The following PARD3 variants were observed in gnomAD, a reference collection of about 807,000 sequenced individuals.
PARD3 encodes par-3 family cell polarity regulator, also known as partitioning defective 3 homolog.
A neutral mutation model predicts 155.4 loss-of-function variants in PARD3; 75 were observed. That is an observed-to-expected ratio of 0.48 (90% CI 0.40 to 0.58). The LOEUF (loss-of-function observed/expected upper bound fraction) is 0.58, where lower values mean the gene tolerates loss of function less well. PARD3 is among the 20% of genes least tolerant of loss of function. The pLI is 0.00. For synonymous variants in PARD3, 576 were observed against 610.5 expected, an observed-to-expected ratio of 0.94 and a Z score of 0.83; for missense variants, 1,642 against 1,721.7, an observed-to-expected ratio of 0.95 and a Z score of 0.82.
chr10:34,218,293 C>T (rs1482655761), intron 22 of PARD3, among the ~76,000 whole-genome samples: 1 of 152,196 alleles, frequency 6.6e-6, no homozygotes, highest in East Asian at 1.9e-4. Flanking sequence ...CACAGGACCA[C>T]ACTTGGTGCT....
At chr10:34,765,546 T>A (rs1243285031) in intron 1 of PARD3, among the ~76,000 whole-genome samples, 1 of 151,832 alleles carries the variant, frequency 6.6e-6, no homozygotes, top group Non-Finnish European at 1.5e-5. Context: ...GGCATAGTGG[T>A]GCATACCTGT....
At chr10:34,609,315 C>T (rs2496725) in intron 2 of PARD3, among the ~76,000 whole-genome samples, 80,083 of 152,076 alleles carry the variant, frequency 0.53, 24,486 homozygotes, top group African/African-American at 0.86. Flanking sequence ...CCAAAATTAT[C>T]ACCAGTAGAT....
At chr10:34,431,045 G>C (rs1012573974) in intron 5 of PARD3, among the ~76,000 whole-genome samples, 5 of 152,102 alleles carry the variant, frequency 3.3e-5, no homozygotes, top group African/African-American at 1.2e-4. Context: ...TTTCTTTTTT[G>C]GATATCAGTT....
At chr10:34,275,664 G>C (rs1362134102) in intron 21 of PARD3, among the ~76,000 whole-genome samples, 1 of 152,184 alleles carries the variant, frequency 6.6e-6, no homozygotes, top group Non-Finnish European at 1.5e-5. Flanking sequence ...ACTCTGTGGA[G>C]ATACATATTT....
chr10:34,517,257 C>A, intron 2 of PARD3, 98 bp from the exon 3 acceptor site: 1 of 1,073,256 alleles, frequency 9.3e-7, no homozygotes, highest in Non-Finnish European at 1.3e-6. Context: ...TGCAAAAATA[C>A]TGATATAAAT....
chr10:34,274,703 A>T (rs1231511944), intron 21 of PARD3, among the ~76,000 whole-genome samples: 1 of 152,092 alleles, frequency 6.6e-6, no homozygotes, highest in East Asian at 1.9e-4. Context: ...AATTTGGAGA[A>T]CCTCCAAAAA....
intron 2 of PARD3, among the ~76,000 whole-genome samples, chr10:34,655,071 T>C (rs2093128651): frequency 6.6e-6 from 1 of 151,750 alleles, no homozygotes; most frequent in South Asian, 2.1e-4. Flanking sequence ...AGTTGCAATT[T>C]GAACCTGTTA....
intron 2 of PARD3, among the ~76,000 whole-genome samples, chr10:34,571,474 T>C (rs1460123030): frequency 2.0e-5 from 3 of 152,350 alleles, no homozygotes; most frequent in African/African-American, 4.8e-5. Flanking sequence ...GTCTGTTACA[T>C]ATATCACTCA....
chr10:34,684,093 C>T (rs1264825454), intron 2 of PARD3, among the ~76,000 whole-genome samples: 2 of 152,122 alleles, frequency 1.3e-5, no homozygotes, highest in Non-Finnish European at 2.9e-5. Flanking sequence ...CATTCAGTTC[C>T]TATGCCAATT....
intron 4 of PARD3, among the ~76,000 whole-genome samples, chr10:34,461,567 C>T (rs2077654682): frequency 2.0e-5 from 3 of 152,116 alleles, no homozygotes; most frequent in Non-Finnish European, 4.4e-5. Context: ...GATCACACCA[C>T]TGCATTCCAG....
chr10:34,350,924 T>TA (rs1430724790), intron 14 of PARD3, among the ~76,000 whole-genome samples: 2 of 152,146 alleles, frequency 1.3e-5, no homozygotes, highest in Non-Finnish European at 2.9e-5. Context: ...CTTGGAAATA[T>TA]ATTACCACAG....
intron 22 of PARD3, among the ~76,000 whole-genome samples, chr10:34,229,759 A>T (rs1260447681): frequency 6.6e-6 from 1 of 151,894 alleles, no homozygotes; most frequent in African/African-American, 2.4e-5. Context: ...AGTACACCTA[A>T]TCAATTTTTG....
chr10:34,197,250 A>C (rs747421168), intron 22 of PARD3, among the ~76,000 whole-genome samples: 1 of 152,182 alleles, frequency 6.6e-6, no homozygotes, highest in African/African-American at 2.4e-5. Flanking sequence ...TTGCTTCTCA[A>C]GATTGAGTTG....
chr10:34,727,579 TTG>T lies in PARD3; in HGVS notation c.121-31162_121-31161del, dbSNP rs540876302. Reference sequence around the variant, plus strand: ...AGAGATTGCTATGTTTATTTTTTTTTTGAACGACAACAACAAAAAAAACAGTC... The same window carrying T: ...AGAGATTGCTATGTTTATTTTTTTTTAACGACAACAACAAAAAAAACAGTC... On this transcript the variant is annotated intron_variant, in intron 1 of 24. Coordinates refer to ENST00000374788, the MANE Select transcript of PARD3 (RefSeq NM_001184785.2). Among the ~76,000 whole-genome samples the T allele has an allele frequency of 4.0e-3, 611 of 152,168 alleles. 3 individuals are homozygous for T. The highest frequency in any genetic ancestry group is 0.014 in the African/African-American group (568 of 41,512).
intron 1 of PARD3, among the ~76,000 whole-genome samples, chr10:34,799,566 G>T (rs905590141): frequency 6.6e-6 from 1 of 152,080 alleles, no homozygotes; most frequent in African/African-American, 2.4e-5. Context: ...ACCCAAGTCA[G>T]GAAAAAACCC....
chr10:34,347,429 G>A (rs542481621), intron 15 of PARD3, among the ~76,000 whole-genome samples: 7 of 151,846 alleles, frequency 4.6e-5, no homozygotes, highest in South Asian at 2.1e-4. Flanking sequence ...CTAGTTTCGC[G>A]ATTTTAAAAC....
At chr10:34,456,324 T>G (rs2077338849) in intron 4 of PARD3, among the ~76,000 whole-genome samples, 1 of 152,096 alleles carries the variant, frequency 6.6e-6, no homozygotes, top group African/African-American at 2.4e-5. Flanking sequence ...GAGACGAAGT[T>G]TTGCTCTTGT....
intron 12 of PARD3, among the ~76,000 whole-genome samples, chr10:34,368,411 G>A (rs1438479552): frequency 6.6e-6 from 1 of 152,154 alleles, no homozygotes; most frequent in East Asian, 1.9e-4. Context: ...GGTGGCTCAC[G>A]CGTGTAATTC....
chr10:34,158,131 C>A (rs973062909), intron 22 of PARD3, among the ~76,000 whole-genome samples: 2 of 152,196 alleles, frequency 1.3e-5, no homozygotes, highest in African/African-American at 4.8e-5. Flanking sequence ...GTAATCCCAG[C>A]ACTTTAGGAG....
Sources: allele counts gnomAD v4.1 joint callset (sites outside exome capture counted in the v4.1 genomes callset), GRCh38; gene constraint gnomAD v4.1.1; transcripts MANE v1.5; gene names NCBI Gene and HGNC (gene_info 2026-07-23, HGNC 2026-07-21).